LRP1B: variants seen among roughly 807,000 people sequenced by gnomAD.
LRP1B encodes the protein LDL receptor related protein 1B, also known as low-density lipoprotein receptor-related protein 1B.
A neutral mutation model predicts 556.6 loss-of-function variants in LRP1B; 217 were observed. That is an observed-to-expected ratio of 0.39 (90% CI 0.35 to 0.44). The LOEUF (loss-of-function observed/expected upper bound fraction) is 0.44, where lower values mean the gene tolerates loss of function less well. Among genes scored for constraint, LRP1B ranks in the 20% least tolerant of loss-of-function variants. The pLI is 1.00. For missense variants in LRP1B, 5,053 were observed against 5,620.8 expected, an observed-to-expected ratio of 0.90 and a Z score of 3.23; for synonymous variants, 2,047 against 1,865.8, an observed-to-expected ratio of 1.10 and a Z score of -2.50.
rs531106468 is a variant in LRP1B at position 140,824,935 on chromosome 2, C to T, written c.5210-11129G>A. Among the ~76,000 whole-genome samples, 9 of 152,164 alleles carry T rather than the reference C, an allele frequency of 5.9e-5. No homozygotes were observed. The East Asian group carries it at 1.7e-3, about 29-fold the overall frequency. On this transcript the variant is annotated intron_variant, in intron 31 of 90. Transcript: ENST00000389484. ...TATTTATTGAAAATCTACTTATGTG[C>T]CAAAATTGTGCTATACGTTGAGGAT...
intron 2 of LRP1B, among the ~76,000 whole-genome samples, chr2:141,619,328 C>T (rs36072605): frequency 0.32 from 48,942 of 152,124 alleles, 8,406 homozygotes; most frequent in Non-Finnish European, 0.39. Flanking sequence ...ACAGGAGGAG[C>T]TAATACTTCG....
intron 60 of LRP1B, among the ~76,000 whole-genome samples, chr2:140,461,561 G>A (rs1005835980): frequency 3.9e-5 from 6 of 152,118 alleles, no homozygotes; most frequent in South Asian, 2.1e-4. Flanking sequence ...TAGGCCAGGC[G>A]TGGTGGCTGA....
At chr2:141,984,378 T>C (rs1297324903) in intron 1 of LRP1B, among the ~76,000 whole-genome samples, 1 of 36,016 alleles carries the variant, frequency 2.8e-5, no homozygotes, top group Non-Finnish European at 5.6e-5. Context: ...TGATGAAAGG[T>C]ATGTGTTTAA....
At chr2:142,019,148 T>C (rs1025154731) in intron 1 of LRP1B, among the ~76,000 whole-genome samples, 1 of 152,214 alleles carries the variant, frequency 6.6e-6, no homozygotes, top group Non-Finnish European at 1.5e-5. Flanking sequence ...AAGATTTTAG[T>C]CCTTTCAAAT....
At chr2:140,458,280 A>G (rs1375176422) in intron 60 of LRP1B, among the ~76,000 whole-genome samples, 1 of 152,148 alleles carries the variant, frequency 6.6e-6, no homozygotes, top group African/African-American at 2.4e-5. Context: ...TGCAAATTTA[A>G]TAGTCATAAA....
At chr2:140,757,731 A>C (rs1228993932) in intron 35 of LRP1B, among the ~76,000 whole-genome samples, 1 of 152,180 alleles carries the variant, frequency 6.6e-6, no homozygotes, top group Non-Finnish European at 1.5e-5. Context: ...AAGTACAAAA[A>C]TTAGCAGGGC....
chr2:140,236,951 G>C (rs751944858), intron 89 of LRP1B, among the ~76,000 whole-genome samples: 7 of 150,886 alleles, frequency 4.6e-5, no homozygotes, highest in Non-Finnish European at 1.0e-4. Flanking sequence ...TTTTATACAT[G>C]TATACATTGC....
intron 11 of LRP1B, among the ~76,000 whole-genome samples, chr2:141,026,194 G>T (rs10496864): frequency 6.6e-6 from 1 of 151,884 alleles, no homozygotes; most frequent in Non-Finnish European, 1.5e-5. Context: ...TTTTGGTACC[G>T]ATTTCATCAA....
chr2:140,842,042 T>C (rs1424436175), intron 29 of LRP1B, among the ~76,000 whole-genome samples: 1 of 152,216 alleles, frequency 6.6e-6, no homozygotes, highest in Non-Finnish European at 1.5e-5. Context: ...ACTGTTAAAA[T>C]AAAGATTCTA....
At chr2:141,093,028 A>G (rs978149339) in intron 7 of LRP1B, among the ~76,000 whole-genome samples, 2 of 149,328 alleles carry the variant, frequency 1.3e-5, no homozygotes, top group African/African-American at 2.5e-5. Flanking sequence ...GGAAGGGAAT[A>G]TGGAGTCAAG....
rs1354136386 is a variant in LRP1B, at chr2:140,247,112, C to T, written c.13298G>A (p.Ser4433Asn). The change falls in exon 87 of 91, where the codon AGC becomes AAC. Residue 4433 changes from serine (S) to asparagine (N), a missense_variant. This residue lies in a region of LRP1B where 551 missense variants were observed against 592.0 expected (regional missense o/e 0.93). Transcript: ENST00000389484. The stretch of plus-strand genomic sequence containing the variant: ...TGTGCTGATATGATCAGACTTGCTG[C>T]TCTTTGGGGCTGGCCTTTCACACTG... ...GTQCERPAPK[S>N]SKSDHISTRS... 1 of 1,609,324 alleles carries T rather than the reference C, an allele frequency of 6.2e-7. No homozygotes were observed. Among genetic ancestry groups the T allele is most frequent in the South Asian group, 1.1e-5 (1 of 91,002 alleles).
chr2:141,499,892 CT>C (rs1193874570), intron 2 of LRP1B, among the ~76,000 whole-genome samples: 2 of 151,734 alleles, frequency 1.3e-5, no homozygotes, highest in Non-Finnish European at 2.9e-5. Context: ...GAAGTTACTT[CT>C]TTTTTTTAGA....
intron 2 of LRP1B, among the ~76,000 whole-genome samples, chr2:141,783,724 T>C (rs1695336385): frequency 1.3e-5 from 2 of 151,876 alleles, no homozygotes; most frequent in South Asian, 4.1e-4. Context: ...ATGTGATAAA[T>C]TTGATTAAAT....
chr2:141,052,147 C>A (rs745447912), intron 10 of LRP1B, among the ~76,000 whole-genome samples: 1 of 151,854 alleles, frequency 6.6e-6, no homozygotes, highest in Non-Finnish European at 1.5e-5. Context: ...TTTTCTTAGA[C>A]GAAATTACAG....
At chr2:141,484,121 T>C (rs1683026901) in intron 2 of LRP1B, among the ~76,000 whole-genome samples, 1 of 151,700 alleles carries the variant, frequency 6.6e-6, no homozygotes, top group Admixed American at 6.6e-5. Flanking sequence ...CTTTAATCCA[T>C]CTTGAATTAA....
At chr2:141,590,354 G>A (rs1242787898) in intron 2 of LRP1B, among the ~76,000 whole-genome samples, 3 of 152,050 alleles carry the variant, frequency 2.0e-5, no homozygotes, top group Non-Finnish European at 4.4e-5. Flanking sequence ...CTATTCCTTT[G>A]TGAGACAAAG....
intron 1 of LRP1B, among the ~76,000 whole-genome samples, chr2:141,919,856 GATTATGAAATAGATCTTAGAAATA>G (rs1700135794): frequency 6.6e-6 from 1 of 151,866 alleles, no homozygotes; most frequent in African/African-American, 2.4e-5. Context: ...TGTGAACTTT[GATTATGAAATAGATCTTAGAAATA>G]TAACTAGTTC....
At chr2:140,485,846 TACACAC>T (rs10696198) in intron 58 of LRP1B, among the ~76,000 whole-genome samples, 6,433 of 142,342 alleles carry the variant, frequency 0.045, 166 homozygotes, top group Non-Finnish European at 0.048. Flanking sequence ...CTCACGCACA[TACACAC>T]ACACACACAC....
chr2:141,788,622 G>C (rs1201400796), intron 2 of LRP1B, among the ~76,000 whole-genome samples: 2 of 151,888 alleles, frequency 1.3e-5, no homozygotes, highest in African/African-American at 4.8e-5. Context: ...ATGTTGGTGT[G>C]CTGCACCTGT....
Sources: allele counts gnomAD v4.1 joint callset (sites outside exome capture counted in the v4.1 genomes callset), GRCh38; gene constraint gnomAD v4.1.1; regional missense constraint gnomAD v4.1.1; transcripts MANE v1.5; gene names NCBI Gene and HGNC (gene_info 2026-07-23, HGNC 2026-07-21).